MYO1B: variants seen among roughly 807,000 people sequenced by gnomAD.
MYO1B encodes myosin IB.
In MYO1B, 72 loss-of-function variants were observed where a neutral mutation model predicts 159.7. The observed-to-expected ratio is 0.45, with a 90% CI of 0.37 to 0.55. The LOEUF is 0.55. Among genes scored for constraint, MYO1B ranks in the 20% least tolerant of loss-of-function variants. The probability of loss-of-function intolerance (pLI) is 0.00; values close to 1 mark genes in which losing one functional copy is unlikely to be tolerated. For missense variants in MYO1B, 1,062 were observed against 1,364.8 expected (o/e 0.78, Z 3.50); for synonymous variants, 468 against 473.8 (o/e 0.99, Z 0.16).
chr2:191,304,451 T>C (rs1689521949), intron 3 of MYO1B, among the ~76,000 whole-genome samples: 1 of 152,122 alleles, frequency 6.6e-6, no homozygotes, highest in Admixed American at 6.6e-5. Flanking sequence ...ATGCCTGTAG[T>C]CCCAGCTACT....
intron 3 of MYO1B, among the ~76,000 whole-genome samples, chr2:191,298,232 A>G (rs756917841): frequency 3.9e-5 from 6 of 152,218 alleles, no homozygotes; most frequent in Non-Finnish European, 7.3e-5. Context: ...CTGCTGGTAT[A>G]TTTTACCAGT....
At chr2:191,356,878 G>T (rs557449764) in intron 7 of MYO1B, among the ~76,000 whole-genome samples, 1 of 152,258 alleles carries the variant, frequency 6.6e-6, no homozygotes, top group East Asian at 1.9e-4. Flanking sequence ...ACCTAAATGC[G>T]ACTGAGATGC....
At chr2:191,324,995 A>T (rs1559169618) in intron 3 of MYO1B, among the ~76,000 whole-genome samples, 1 of 152,212 alleles carries the variant, frequency 6.6e-6, no homozygotes, top group Non-Finnish European at 1.5e-5. Context: ...GCCTCTCCTT[A>T]AGAAAACTCA....
At chr2:191,392,805 G>T (rs371225672) in intron 19 of MYO1B, among the ~76,000 whole-genome samples, 2 of 152,182 alleles carry the variant, frequency 1.3e-5, no homozygotes, top group East Asian at 3.9e-4. Flanking sequence ...ACAGTGTGAA[G>T]GTAAACTTAA....
intron 1 of MYO1B, among the ~76,000 whole-genome samples, chr2:191,269,505 G>A (rs1209561249): frequency 6.6e-6 from 1 of 152,080 alleles, no homozygotes; most frequent in Non-Finnish European, 1.5e-5. Flanking sequence ...CTTCTTTTAG[G>A]TATATACCCA....
chr2:191,362,392 C>T, intron 9 of MYO1B, 21 bp downstream of exon 9: 1 of 1,592,836 alleles, frequency 6.3e-7, no homozygotes, highest in Non-Finnish European at 8.6e-7. Context: ...GTACTTTCAT[C>T]AAGCTTTAAA....
chr2:191,372,879 C>CTTTTTTTTTTTTTTTTT (rs34444520), intron 13 of MYO1B, among the ~76,000 whole-genome samples: 1 of 70,104 alleles, frequency 1.4e-5, no homozygotes, highest in Admixed American at 2.3e-4. Context: ...GTTATATTTC[C>CTTTTTTTTTTTTTTTTT]TTTTTTTTTT....
At chr2:191,266,984 A>C (rs1281397368) in intron 1 of MYO1B, among the ~76,000 whole-genome samples, 1 of 152,106 alleles carries the variant, frequency 6.6e-6, no homozygotes, top group Admixed American at 6.5e-5. Flanking sequence ...CCTGGGATTG[A>C]GGGTGGTTGA....
rs115027003 is a variant in MYO1B at position 191,334,845 on chromosome 2, A to G, written c.346+4816A>G. On this transcript the variant is annotated intron_variant, in intron 4 of 30. Transcript: ENST00000392318. ...TTCATCATTACTAGAAAAATGAAAT[A>G]ATAGACAAAATAGAGCATTTAAACC... 5.4e-3 allele frequency among the ~76,000 whole-genome samples: 816 copies of G among 152,330 alleles called. 7 individuals are homozygous for G. Among genetic ancestry groups the G allele is most frequent in the African/African-American group, 0.016 (673 of 41,586 alleles).
intron 21 of MYO1B, among the ~76,000 whole-genome samples, chr2:191,399,392 C>G (rs529040425): frequency 1.3e-5 from 2 of 152,338 alleles, no homozygotes; most frequent in Admixed American, 1.3e-4. Context: ...TATTGGAACA[C>G]AGCCACATTC....
chr2:191,274,899 TTTTC>T (rs1462562564), intron 1 of MYO1B, among the ~76,000 whole-genome samples: 2 of 152,028 alleles, frequency 1.3e-5, no homozygotes, highest in South Asian at 2.1e-4. Context: ...TATCTGGGAC[TTTTC>T]TTTCTTTCTT....
chr2:191,268,587 A>G (rs999517035), intron 1 of MYO1B, among the ~76,000 whole-genome samples: 3 of 152,006 alleles, frequency 2.0e-5, no homozygotes, highest in Non-Finnish European at 2.9e-5. Context: ...GCTCAGTGGA[A>G]CCTCTCGAGG....
rs199987388 is a variant in MYO1B, at chr2:191,363,752, A to G, written c.790A>G (p.Met264Val). ...GAATGCCATGCAGATTGTGGGCTTT[A>G]TGGATCATGAAGCTGAGTCTGTCTT... ...VRNAMQIVGFMDHEAESVLAV... is the reference protein window; with the variant it reads ...VRNAMQIVGFVDHEAESVLAV... The change falls in exon 10 of 31, where the codon ATG (methionine) becomes GTG (valine). Residue 264 changes from methionine (M) to valine (V), a missense_variant. Around this residue, in one of 5 missense-constraint regions of MYO1B, gnomAD observed 415 missense variants for 544.0 expected, o/e 0.76. Coordinates refer to ENST00000392318, the MANE Select transcript of MYO1B (RefSeq NM_001130158.3). 84 of 1,613,138 alleles carry G rather than the reference A, an allele frequency of 5.2e-5. No homozygotes were observed. The East Asian group carries it at 1.8e-3, about 35-fold the overall frequency.
rs573404604 is a variant in MYO1B, at chr2:191,378,726, T to C, written c.1186-2736T>C. Reference sequence around the variant, plus strand: ...TGGTAAAGCGTTGGGACGGCGAAAATTTTGGGGGGTGGTATGGAGAGAGAA... The same window carrying C: ...TGGTAAAGCGTTGGGACGGCGAAAACTTTGGGGGGTGGTATGGAGAGAGAA... On this transcript the variant is annotated intron_variant, in intron 13 of 30. Transcript: ENST00000392318. 3.3e-5 allele frequency among the ~76,000 whole-genome samples: 5 copies of C among 151,888 alleles called. No individual in the cohort carries two copies. In the South Asian group the frequency reaches 1.0e-3, roughly 32 times the overall value.
At chr2:191,257,380 A>G (rs187717211) in intron 1 of MYO1B, among the ~76,000 whole-genome samples, 139 of 152,248 alleles carry the variant, frequency 9.1e-4, no homozygotes, top group Middle Eastern at 6.8e-3. Flanking sequence ...CTCTTTGCCT[A>G]TTTTGCATAG....
intron 11 of MYO1B, among the ~76,000 whole-genome samples, chr2:191,365,425 G>T (rs73984104): frequency 0.01 from 1,568 of 152,244 alleles, 32 homozygotes; most frequent in African/African-American, 0.036. Flanking sequence ...CTTATTTTAG[G>T]TGAGTTATTT....
intron 7 of MYO1B, among the ~76,000 whole-genome samples, chr2:191,358,201 C>T (rs763672001): frequency 6.6e-6 from 1 of 152,034 alleles, no homozygotes; most frequent in African/African-American, 2.4e-5. Context: ...GACTGGGATG[C>T]GAGCCTCATT....
intron 20 of MYO1B, among the ~76,000 whole-genome samples, 173 bp downstream of exon 20, chr2:191,393,395 C>G (rs1695881556): frequency 6.6e-6 from 1 of 152,068 alleles, no homozygotes; most frequent in Non-Finnish European, 1.5e-5. Flanking sequence ...AGACACAAAG[C>G]TGTTAAGTAA....
chr2:191,317,269 A>T (rs1310287895), intron 3 of MYO1B, among the ~76,000 whole-genome samples: 1 of 152,160 alleles, frequency 6.6e-6, no homozygotes, highest in Non-Finnish European at 1.5e-5. Context: ...TAAAAGTGAT[A>T]CTTGTTCAAA....
Sources: gnomAD v4.1 joint callset for allele counts (sites outside exome capture counted in the v4.1 genomes callset) on GRCh38, gnomAD v4.1.1 for gene constraint, gnomAD v4.1.1 regional missense constraint, MANE v1.5 for transcripts, NCBI Gene and HGNC (gene_info 2026-07-23, HGNC 2026-07-21) for gene names.